REV3L: variants seen among roughly 807,000 people sequenced by gnomAD.
REV3L encodes REV3 like, DNA directed polymerase zeta catalytic subunit, also known as DNA polymerase zeta catalytic subunit.
REV3L carries 69 observed loss-of-function variants against 299.4 expected under a neutral mutation model. The ratio of observed to expected loss-of-function variants is 0.23; its 90% CI spans 0.19 to 0.28. REV3L has a LOEUF of 0.28. Ranked by LOEUF, REV3L falls within the 10% of genes least tolerant of loss-of-function variation. The probability of loss-of-function intolerance (pLI) is 1.00; values close to 1 mark genes in which losing one functional copy is unlikely to be tolerated. For synonymous variants in REV3L, 1,238 were observed against 1,271.4 expected, an observed-to-expected ratio of 0.97 and a Z score of 0.56; for missense variants, 3,128 against 3,693.8, an observed-to-expected ratio of 0.85 and a Z score of 3.97.
intron 1 of REV3L, among the ~76,000 whole-genome samples, chr6:111,420,993 A>C (rs925023206): frequency 2.6e-5 from 4 of 152,050 alleles, no homozygotes; most frequent in Non-Finnish European, 5.9e-5. Flanking sequence ...CAAAAAAATT[A>C]GCCAGGTGCC....
At chr6:111,388,282 TAAGTC>T (rs1180926656) in intron 7 of REV3L, among the ~76,000 whole-genome samples, 197 bp from the exon 8 acceptor site, 9 of 152,158 alleles carry the variant, frequency 5.9e-5, no homozygotes, top group African/African-American at 2.2e-4. Flanking sequence ...ATTAGGCACT[TAAGTC>T]AGTTCAAGAT....
At chr6:111,317,090 AT>A (rs1773618304) in intron 26 of REV3L, among the ~76,000 whole-genome samples, 2 of 152,196 alleles carry the variant, frequency 1.3e-5, no homozygotes, top group Admixed American at 1.3e-4. Context: ...AAGACATTAA[AT>A]AGTGGAAATG....
intron 4 of REV3L, among the ~76,000 whole-genome samples, chr6:111,399,673 C>A (rs1272697574): frequency 6.6e-6 from 1 of 151,902 alleles, no homozygotes; most frequent in Non-Finnish European, 1.5e-5. Flanking sequence ...CATGAGTAGA[C>A]TGGGGTTACG....
intron 4 of REV3L, among the ~76,000 whole-genome samples, chr6:111,398,598 G>T (rs1435195246): frequency 2.8e-5 from 4 of 142,590 alleles, no homozygotes; most frequent in Non-Finnish European, 4.7e-5. Flanking sequence ...TTTCATTTTT[G>T]AATGTATTTT....
chr6:111,428,083 C>A (rs375909464), intron 1 of REV3L, among the ~76,000 whole-genome samples: 4 of 150,624 alleles, frequency 2.7e-5, no homozygotes, highest in Non-Finnish European at 5.9e-5. Flanking sequence ...CAAGCATATT[C>A]GATAAAAACC....
At chr6:111,341,732 G>A (rs188494115) in intron 21 of REV3L, among the ~76,000 whole-genome samples, 172 of 149,364 alleles carry the variant, frequency 1.2e-3, no homozygotes, top group East Asian at 7.9e-4. Flanking sequence ...AGGAGAGAAA[G>A]GGAGCTGTGC....
At chr6:111,394,696 C>A (rs1035757365) in intron 4 of REV3L, among the ~76,000 whole-genome samples, 1 of 146,944 alleles carries the variant, frequency 6.8e-6, no homozygotes, top group African/African-American at 2.5e-5. Flanking sequence ...CCCAGAGTAT[C>A]TGTCCTACAA....
At chr6:111,413,925 T>C (rs1331957063) in intron 2 of REV3L, among the ~76,000 whole-genome samples, 1 of 151,938 alleles carries the variant, frequency 6.6e-6, no homozygotes, top group African/African-American at 2.4e-5. Context: ...CTATCAAGAA[T>C]AAACAAAACT....
At chr6:111,446,532 C>A (rs1316067797) in intron 1 of REV3L, among the ~76,000 whole-genome samples, 1 of 152,044 alleles carries the variant, frequency 6.6e-6, no homozygotes, top group East Asian at 1.9e-4. Context: ...GGTGAAACCC[C>A]ATTTCTACTA....
chr6:111,303,701 C>CTTTTTTTTTTT (rs58366929), intron 31 of REV3L, among the ~76,000 whole-genome samples: 8 of 12,642 alleles, frequency 6.3e-4, no homozygotes, highest in African/African-American at 1.2e-3. Flanking sequence ...CAGACTATGA[C>CTTTTTTTTTTT]TTTTTTTTTT....
chr6:111,352,428 T>G (rs191101916), intron 18 of REV3L, among the ~76,000 whole-genome samples: 246 of 152,118 alleles, frequency 1.6e-3, no homozygotes, highest in African/African-American at 5.5e-3. Context: ...AAGGTACAAG[T>G]GAGAATATAA....
In REV3L at chr6:111,389,185, T is replaced by C. The variant is rs1479429723; in HGVS notation, c.783A>G (p.Leu261=). The change falls in exon 7 of 32, where the codon CTA becomes CTG. Residue 261 remains leucine (L), a synonymous_variant. Coordinates refer to ENST00000368802, the MANE Select transcript of REV3L (RefSeq NM_001372078.1). ...GCTTTTCATCTTCCCATATGGCCTG[T>C]AGACCAGGGTTTCCACCAATTTGAG... ...IEAQIGGNPG[L]QAIWEDEKQR... 3 of 1,613,784 alleles carry C rather than the reference T, an allele frequency of 1.9e-6. No homozygotes were observed. Among genetic ancestry groups the C allele is most frequent in the African/African-American group, 1.3e-5 (1 of 74,928 alleles).
intron 3 of REV3L, among the ~76,000 whole-genome samples, chr6:111,407,550 C>T (rs1236954390): frequency 6.6e-6 from 1 of 152,116 alleles, no homozygotes; most frequent in Non-Finnish European, 1.5e-5. Flanking sequence ...AAGTAAGGAC[C>T]TAAAATTGGA....
chr6:111,395,857 G>C (rs1362296444), intron 4 of REV3L, among the ~76,000 whole-genome samples: 1 of 152,130 alleles, frequency 6.6e-6, no homozygotes, highest in Non-Finnish European at 1.5e-5. Flanking sequence ...TTTGAGGTAT[G>C]ATCCTTCTAT....
At chr6:111,336,476 C>T (rs1477964416) in intron 21 of REV3L, among the ~76,000 whole-genome samples, 1 of 151,784 alleles carries the variant, frequency 6.6e-6, no homozygotes, top group African/African-American at 2.4e-5. Flanking sequence ...CTAGAAAATG[C>T]ATGTGAAGGA....
chr6:111,331,267 A>C (rs1775345997), intron 24 of REV3L, among the ~76,000 whole-genome samples: 1 of 152,166 alleles, frequency 6.6e-6, no homozygotes, highest in Non-Finnish European at 1.5e-5. Flanking sequence ...ATTAATTCTA[A>C]GATAGTCTTA....
At chr6:111,471,675 T>C (rs1242025859) in intron 1 of REV3L, among the ~76,000 whole-genome samples, 1 of 152,220 alleles carries the variant, frequency 6.6e-6, no homozygotes, top group Non-Finnish European at 1.5e-5. Context: ...AAGGCTAACA[T>C]AAGTATAATA....
rs571862495 is a variant in REV3L at position 111,353,268 on chromosome 6, T to C, written c.7185-1477A>G. ...ACCAGATCTGCTTTTAGAACCAATATGTTAATATTTTATCATAATTCCATA... is the reference window on the plus strand; with the variant it reads ...ACCAGATCTGCTTTTAGAACCAATACGTTAATATTTTATCATAATTCCATA... On this transcript the variant is annotated intron_variant, in intron 18 of 31. Coordinates refer to ENST00000368802, the MANE Select transcript of REV3L (RefSeq NM_001372078.1). Among the ~76,000 whole-genome samples, 6 of 152,312 alleles carry C rather than the reference T, an allele frequency of 3.9e-5. 1 individual carries two copies. The highest frequency in any genetic ancestry group is 4.1e-4 in the South Asian group (2 of 4,826).
At chr6:111,343,073 A>G (rs969657887) in intron 21 of REV3L, among the ~76,000 whole-genome samples, 4 of 152,244 alleles carry the variant, frequency 2.6e-5, no homozygotes, top group African/African-American at 9.6e-5. Flanking sequence ...TGACCCAGTA[A>G]TTCTACTCCT....
Sources: allele counts gnomAD v4.1 joint callset (sites outside exome capture counted in the v4.1 genomes callset), GRCh38; gene constraint gnomAD v4.1.1; transcripts MANE v1.5; gene names NCBI Gene and HGNC (gene_info 2026-07-23, HGNC 2026-07-21).